Variants in DYRK4 observed in about 807,000 individuals in gnomAD.
DYRK4 encodes dual specificity tyrosine phosphorylation regulated kinase 4, also known as dual specificity tyrosine-phosphorylation-regulated kinase 4.
DYRK4 carries 64 observed loss-of-function variants against 68.3 expected under a neutral mutation model. The observed-to-expected ratio is 0.94, with a 90% CI of 0.77 to 1.15. The LOEUF is 1.15. DYRK4 is among the 50% of genes most tolerant of loss of function. The pLI is 0.00. For synonymous variants in DYRK4, 274 were observed against 289.9 expected, an observed-to-expected ratio of 0.95 and a Z score of 0.56; for missense variants, 740 against 764.7, an observed-to-expected ratio of 0.97 and a Z score of 0.38.
At chr12:4,595,168 G>A (rs1469597784) in intron 6 of DYRK4, among the ~76,000 whole-genome samples, 2 of 152,208 alleles carry the variant, frequency 1.3e-5, no homozygotes, top group African/African-American at 2.4e-5. Flanking sequence ...ACCCTTACAA[G>A]TAGACTAACC....
chr12:4,562,368 G>C, intron 1 of DYRK4, 85 bp downstream of exon 1: 4 of 1,460,002 alleles, frequency 2.7e-6, no homozygotes, highest in South Asian at 1.3e-5. Flanking sequence ...ACGGGGTCGT[G>C]GGGGGAGAAT....
chr12:4,602,999 T>C (rs1392730065), intron 10 of DYRK4: 2 of 916,488 alleles, frequency 2.2e-6, no homozygotes, highest in Non-Finnish European at 3.4e-6. Flanking sequence ...CACGGGTTCT[T>C]GATTCTATAG....
chr12:4,600,809 C>T (rs553574750), intron 10 of DYRK4, among the ~76,000 whole-genome samples: 10 of 151,842 alleles, frequency 6.6e-5, no homozygotes, highest in East Asian at 1.9e-4. Flanking sequence ...TTTATGAAGG[C>T]GTCATCACAT....
rs1166095259 is a variant in DYRK4, at chr12:4,599,733, C to A, written c.1071C>A (p.Gly357=). 2 of 1,614,032 alleles carry A rather than the reference C, an allele frequency of 1.2e-6. No homozygotes were observed. Among genetic ancestry groups the A allele is most frequent in the South Asian group, 2.2e-5 (2 of 91,072 alleles). ...KPENIVLYQK[G]QASVKVIDFG... ...AAAATATAGTGCTATACCAAAAGGG[C>A]CAAGCCTCTGTTAAAGTCATTGACT... Residue 357 remains glycine, a synonymous_variant, in exon 10 of 15, where the codon GGC becomes GGA. Coordinates refer to ENST00000543431, the MANE Select transcript of DYRK4 (RefSeq NM_001394779.1).
At chr12:4,599,666 C>T (rs754672284) in intron 9 of DYRK4, 41 bp from the exon 10 acceptor site, 39 of 1,518,758 alleles carry the variant, frequency 2.6e-5, no homozygotes, top group South Asian at 1.7e-4. Context: ...GGCCTAGGGC[C>T]GCATTACTGT....
At chr12:4,611,035 A>G (rs1265701754) in intron 13 of DYRK4, among the ~76,000 whole-genome samples, 1 of 152,172 alleles carries the variant, frequency 6.6e-6, no homozygotes, top group Non-Finnish European at 1.5e-5. Context: ...GTTCTTTCCT[A>G]TAAAATACGG....
chr12:4,612,142 T>C (rs1292266481), intron 13 of DYRK4, among the ~76,000 whole-genome samples: 3 of 152,204 alleles, frequency 2.0e-5, no homozygotes, highest in African/African-American at 4.8e-5. Flanking sequence ...ATCTTAATAT[T>C]CTAGAATTCT....
intron 2 of DYRK4, among the ~76,000 whole-genome samples, chr12:4,578,932 G>C (rs1944814261): frequency 1.3e-5 from 2 of 152,146 alleles, no homozygotes; most frequent in South Asian, 4.1e-4. Flanking sequence ...TTGGTGCTGG[G>C]ATACAAAAAT....
chr12:4,607,501 C>A, intron 12 of DYRK4, 114 bp downstream of exon 12: 1 of 1,163,214 alleles, frequency 8.6e-7, no homozygotes, highest in Non-Finnish European at 1.3e-6. Flanking sequence ...TGATTAAGAG[C>A]GTCTTTCAGA....
chr12:4,590,432 C>A lies in DYRK4; in HGVS notation c.316C>A (p.Leu106Met). Residue 106 changes from leucine to methionine, a missense_variant, in exon 4 of 15, where the codon CTG becomes ATG. Around this residue, in one of 3 missense-constraint regions of DYRK4, gnomAD observed 56 missense variants for 89.9 expected, o/e 0.62. Transcript: ENST00000543431. Reference sequence around the variant, plus strand: ...GAAAGTCCTGCTGAAGTCATCCCTGCTGTATCAGGTGAGTGCAGACGGACT... The same window carrying A: ...GAAAGTCCTGCTGAAGTCATCCCTGATGTATCAGGTGAGTGCAGACGGACT... The part of the protein sequence containing the change: ...SKKVLLKSSL[L>M]YQENQAHNQM... 5 of 1,535,846 alleles carry A rather than the reference C, an allele frequency of 3.3e-6. No homozygotes were observed. Among genetic ancestry groups the A allele is most frequent in the Non-Finnish European group, 4.4e-6 (5 of 1,146,794 alleles).
At chr12:4,588,476 T>C (rs1005401642) in intron 2 of DYRK4, among the ~76,000 whole-genome samples, 2 of 152,248 alleles carry the variant, frequency 1.3e-5, no homozygotes, top group Non-Finnish European at 1.5e-5. Context: ...AAGTCTCTTC[T>C]GATCAGGGCA....
chr12:4,606,486 TG>T lies in DYRK4; in HGVS notation c.1300-839del, dbSNP rs552732020. Among the ~76,000 whole-genome samples the T allele has an allele frequency of 1.3e-4, 20 of 152,306 alleles. 2 individuals are homozygous for T. In the South Asian group the frequency reaches 4.1e-3, roughly 32 times the overall value. On this transcript the variant is annotated intron_variant, in intron 11 of 14. Coordinates refer to ENST00000543431, the MANE Select transcript of DYRK4 (RefSeq NM_001394779.1). ...AAAATAACTTAGGTAAAAATAGCTGTGGTGGAATGAACACTGGCCTGCGAGT... is the reference window on the plus strand; with the variant it reads ...AAAATAACTTAGGTAAAAATAGCTGTGTGGAATGAACACTGGCCTGCGAGT...
intron 2 of DYRK4, among the ~76,000 whole-genome samples, chr12:4,582,336 C>G (rs926470258): frequency 1.3e-5 from 2 of 152,030 alleles, no homozygotes; most frequent in East Asian, 3.9e-4. Context: ...CCCAGCTACT[C>G]GGGAGGCTGA....
At chr12:4,590,040 T>G in intron 3 of DYRK4, 6 of 789,998 alleles carry the variant, frequency 7.6e-6, no homozygotes, top group Non-Finnish European at 6.5e-6. Flanking sequence ...TTTGTTCCCA[T>G]GGTAGTGATG....
chr12:4,602,025 GCCTCT>G (rs1218367254), intron 10 of DYRK4: 1 of 343,434 alleles, frequency 2.9e-6, no homozygotes, highest in East Asian at 7.2e-5. Flanking sequence ...TTTTCACAAG[GCCTCT>G]TAGAACCTAA....
chr12:4,613,427 C>A lies in DYRK4; in HGVS notation c.1667-88C>A. On this transcript the variant is annotated intron_variant, in intron 14 of 14. Coordinates refer to ENST00000543431, the MANE Select transcript of DYRK4 (RefSeq NM_001394779.1). This position sits in a 1 kb window ranked among gnomAD's most constrained non-coding sequence, Gnocchi z 4.0. ...TTTTATATCATCACGGTCATCGTTT[C>A]CACTAAGTGATGTACAACCTAAAGG... is the stretch of plus-strand genomic sequence containing the variant. 4.1e-6 allele frequency: 6 copies of A among 1,480,370 alleles called. No individual in the cohort carries two copies. Among genetic ancestry groups the A allele is most frequent in the Non-Finnish European group, 9.1e-7 (1 of 1,097,120 alleles). 91.7% of individuals were successfully genotyped at this position (1,480,370 alleles called of 1,614,324 possible).
At chr12:4,567,882 G>C in intron 1 of DYRK4, 73 bp from the exon 2 acceptor site, 1 of 1,290,552 alleles carries the variant, frequency 7.7e-7, no homozygotes, top group Admixed American at 2.0e-5. Context: ...GCTTTCTTCT[G>C]TCCCTGAGTG....
In DYRK4 at chr12:4,599,017, C is replaced by G. The variant is rs1220005512; in HGVS notation, c.906-11C>G. On this transcript the variant is annotated splice_polypyrimidine_tract_variant and intron_variant, in intron 8 of 14. Transcript: ENST00000543431. ...TACACCCATATGCATCACTTTTCCCCTCTTTTCCAGAATCAACTTGTATGA... is the reference window on the plus strand; with the variant it reads ...TACACCCATATGCATCACTTTTCCCGTCTTTTCCAGAATCAACTTGTATGA... 6.2e-7 allele frequency: 1 copy of G among 1,613,900 alleles called. No homozygotes were observed. Among genetic ancestry groups the G allele is most frequent in the Non-Finnish European group, 8.5e-7 (1 of 1,179,982 alleles).
At chr12:4,590,965 A>G in intron 4 of DYRK4, 195 bp from the exon 5 acceptor site, 1 of 648,774 alleles carries the variant, frequency 1.5e-6, no homozygotes, top group Non-Finnish European at 2.6e-6. Flanking sequence ...TCTCCCCAGG[A>G]ATAGTGTCAG....
Sources: gnomAD v4.1 joint callset for allele counts (sites outside exome capture counted in the v4.1 genomes callset) on GRCh38, gnomAD v4.1.1 for gene constraint, gnomAD v4.1.1 regional missense constraint, Gnocchi (gnomAD v3.1) non-coding constraint, MANE v1.5 for transcripts, NCBI Gene and HGNC (gene_info 2026-07-23, HGNC 2026-07-21) for gene names.